The following DGKI variants were observed in gnomAD, a reference collection of about 807,000 sequenced individuals.
DGKI encodes DAG kinase iota.
In DGKI, 55 loss-of-function variants were observed where a neutral mutation model predicts 147.5. The ratio of observed to expected loss-of-function variants is 0.37; its 90% confidence interval spans 0.30 to 0.47. The LOEUF (loss-of-function observed/expected upper bound fraction) is 0.47, where lower values mean the gene tolerates loss of function less well. Among genes scored for constraint, DGKI ranks in the 20% least tolerant of loss-of-function variants. The pLI is 1.00. For synonymous variants in DGKI, 469 were observed against 477.1 expected (o/e 0.98, Z 0.22); for missense variants, 1,007 against 1,323.8 (o/e 0.76, Z 3.71).
At chr7:137,701,363 A>T (rs1823977728) in intron 1 of DGKI, among the ~76,000 whole-genome samples, 1 of 104,940 alleles carries the variant, frequency 9.5e-6, no homozygotes, top group Non-Finnish European at 1.7e-5. Flanking sequence ...GGGAAAATAA[A>T]GTTAATAATA....
chr7:137,403,475 G>A (rs1811838095), intron 30 of DGKI, among the ~76,000 whole-genome samples: 1 of 152,146 alleles, frequency 6.6e-6, no homozygotes, highest in African/African-American at 2.4e-5. Flanking sequence ...TTGTTCAGGT[G>A]TCCTCTTGAT....
In DGKI at chr7:137,578,170, T is replaced by A; in HGVS notation, c.1698+100A>T. 3 of 765,304 alleles carry A rather than the reference T, an allele frequency of 3.9e-6. No homozygotes were observed. The South Asian group carries it at 4.9e-5, about 12-fold the overall frequency. The allele number at this position is 765,304 out of a possible 1,614,324, so 47.4% of individuals were successfully genotyped here. ...CATAGATAGACATATATAAATGAGA[T>A]GTATATGTGATTATTTCTCATGTAG... On this transcript the variant is annotated intron_variant, in intron 16 of 32. Coordinates refer to ENST00000614521, the MANE Select transcript of DGKI (RefSeq NM_001321708.2).
rs1343767775 is a variant in DGKI at position 137,566,154 on chromosome 7, C to A, written c.1947+5021G>T. ...ATAGTTTGTTTCTAAAAAGCTTGAC[C>A]TACTGGTTATGTTTTTAATTATATA... On this transcript the variant is annotated intron_variant, in intron 19 of 32. Transcript: ENST00000614521. Among the ~76,000 whole-genome samples, 5 of 151,916 alleles carry A rather than the reference C, an allele frequency of 3.3e-5. No individual in the cohort carries two copies. In the South Asian group the frequency reaches 1.0e-3, roughly 32 times the overall value.
At chr7:137,471,142 G>A (rs1283106323) in intron 23 of DGKI, among the ~76,000 whole-genome samples, 2 of 152,118 alleles carry the variant, frequency 1.3e-5, no homozygotes, top group East Asian at 3.9e-4. Context: ...CATGTGATTT[G>A]GAGCATTCTA....
intron 3 of DGKI, among the ~76,000 whole-genome samples, chr7:137,668,509 A>G (rs1208057136): frequency 6.6e-6 from 1 of 152,178 alleles, no homozygotes; most frequent in African/African-American, 2.4e-5. Flanking sequence ...CTCAACAAGC[A>G]CCTCATTGAA....
At chr7:137,842,480 G>A (rs1798572935) in intron 1 of DGKI, among the ~76,000 whole-genome samples, 1 of 152,156 alleles carries the variant, frequency 6.6e-6, no homozygotes. Context: ...TACCAGCATG[G>A]TTTATGAGCA....
intron 5 of DGKI, 147 bp downstream of exon 5, chr7:137,654,585 A>G: frequency 1.5e-6 from 1 of 667,914 alleles, no homozygotes; most frequent in Non-Finnish European, 2.7e-6. Context: ...GATTTTATTG[A>G]TTGTGCTTAT....
intron 30 of DGKI, among the ~76,000 whole-genome samples, 185 bp downstream of exon 30, chr7:137,407,690 G>T (rs1313653977): frequency 6.6e-6 from 1 of 152,164 alleles, no homozygotes; most frequent in Non-Finnish European, 1.5e-5. Context: ...TGGATAGGAT[G>T]GCCCGTATGT....
At chr7:137,691,798 G>GTTTTTTTTTTTTTTTTTTTTTTTTT (rs796902464) in intron 1 of DGKI, among the ~76,000 whole-genome samples, 5 of 95,814 alleles carry the variant, frequency 5.2e-5, no homozygotes, top group African/African-American at 1.2e-4. Context: ...AGACCTTTGG[G>GTTTTTTTTTTTTTTTTTTTTTTTTT]TTTTTTTTTT....
chr7:137,672,360 A>G (rs1245679804), intron 3 of DGKI, among the ~76,000 whole-genome samples: 1 of 152,252 alleles, frequency 6.6e-6, no homozygotes, highest in African/African-American at 2.4e-5. Context: ...AGAAGTGAAC[A>G]GCCCGATATG....
Position 137,507,325 on chromosome 7 carries a change from A to G in DGKI, c.2248+14541T>C, listed in dbSNP as rs1243673360. Among the ~76,000 whole-genome samples, 3 of 152,166 alleles carry G rather than the reference A, an allele frequency of 2.0e-5. No homozygotes were observed. The East Asian group carries it at 5.8e-4, about 29-fold the overall frequency. The stretch of plus-strand genomic sequence containing the variant: ...AATGTCATCCACAAGATAAAAGTAA[A>G]TTATGTAGTTTTCATTGGATTCTAT... On this transcript the variant is annotated intron_variant, in intron 21 of 32. Coordinates refer to ENST00000614521, the MANE Select transcript of DGKI (RefSeq NM_001321708.2).
chr7:137,683,207 A>G (rs2116418091), intron 2 of DGKI, among the ~76,000 whole-genome samples: 1 of 152,018 alleles, frequency 6.6e-6, no homozygotes, highest in African/African-American at 2.4e-5. Context: ...TTCCGCCAAA[A>G]GAGAGCCATG....
At chr7:137,807,597 T>C (rs1457283748) in intron 1 of DGKI, among the ~76,000 whole-genome samples, 1 of 152,188 alleles carries the variant, frequency 6.6e-6, no homozygotes, top group Non-Finnish European at 1.5e-5. Context: ...GGGACCCTGT[T>C]AAAATGCAGA....
chr7:137,795,072 C>G (rs561843817), intron 1 of DGKI, among the ~76,000 whole-genome samples: 1 of 152,316 alleles, frequency 6.6e-6, no homozygotes, highest in South Asian at 2.1e-4. Context: ...GCACTCCAGA[C>G]AGAATGATGC....
intron 1 of DGKI, among the ~76,000 whole-genome samples, chr7:137,742,361 G>A (rs1795198274): frequency 6.6e-6 from 1 of 152,100 alleles, no homozygotes; most frequent in African/African-American, 2.4e-5. Context: ...ATCCTTCCTA[G>A]GTAGGGCCCC....
intron 23 of DGKI, among the ~76,000 whole-genome samples, chr7:137,478,412 T>C (rs145670346): frequency 2.0e-5 from 3 of 152,340 alleles, no homozygotes; most frequent in Non-Finnish European, 4.4e-5. Flanking sequence ...CGTCTATCTA[T>C]ACACCTTTCT....
At chr7:137,447,753 C>T (rs1314391956) in intron 27 of DGKI, among the ~76,000 whole-genome samples, 1 of 152,208 alleles carries the variant, frequency 6.6e-6, no homozygotes, top group Non-Finnish European at 1.5e-5. Context: ...CTAAATGGAG[C>T]AAGCTTGTGA....
chr7:137,527,551 T>A (rs1424371206), intron 20 of DGKI, among the ~76,000 whole-genome samples: 2 of 152,192 alleles, frequency 1.3e-5, no homozygotes, highest in Non-Finnish European at 2.9e-5. Flanking sequence ...TGAGACAAGA[T>A]CCTTAAAGTT....
intron 5 of DGKI, among the ~76,000 whole-genome samples, chr7:137,647,348 G>C (rs1821862021): frequency 6.6e-6 from 1 of 152,102 alleles, no homozygotes; most frequent in Admixed American, 6.6e-5. Flanking sequence ...CAACATTAGA[G>C]ACCACTTCTA....
Sources: gnomAD v4.1 joint callset for allele counts (sites outside exome capture counted in the v4.1 genomes callset) on GRCh38, gnomAD v4.1.1 for gene constraint, MANE v1.5 for transcripts, NCBI Gene and HGNC (gene_info 2026-07-23, HGNC 2026-07-21) for gene names.